Variants in CLVS1 observed in about 807,000 individuals in gnomAD.
The protein encoded by CLVS1 is clavesin-1.
A neutral mutation model predicts 33.1 loss-of-function variants in CLVS1; 10 were observed. The observed-to-expected ratio is 0.30, with a 90% CI of 0.19 to 0.51. CLVS1 has a LOEUF of 0.51. CLVS1 is among the 20% of genes least tolerant of loss of function. The probability of loss-of-function intolerance (pLI) is 0.97; values close to 1 mark genes in which losing one functional copy is unlikely to be tolerated. For missense variants in CLVS1, 343 were observed against 433.4 expected, an observed-to-expected ratio of 0.79 and a Z score of 1.85; for synonymous variants, 163 against 166.1, an observed-to-expected ratio of 0.98 and a Z score of 0.14.
upstream of CLVS1, among the ~76,000 whole-genome samples, chr8:61,055,930 C>T (rs576649840): frequency 1.3e-5 from 2 of 152,258 alleles, no homozygotes; most frequent in Non-Finnish European, 2.9e-5. Flanking sequence ...GGCTCCACCA[C>T]GCTTAACATG....
At chr8:61,351,477 G>A (rs28477525) in intron 2 of CLVS1, among the ~76,000 whole-genome samples, 57,642 of 151,752 alleles carry the variant, frequency 0.38, 12,804 homozygotes, top group East Asian at 0.64. Flanking sequence ...AATATTCATA[G>A]GATCAGCATT....
the CLVS1 span, among the ~76,000 whole-genome samples, chr8:60,995,586 T>C: frequency 9.2e-5 from 14 of 152,214 alleles, no homozygotes; most frequent in Non-Finnish European, 1.9e-4. Flanking sequence ...AGTTCAACCA[T>C]TGTGGAAGTC....
At chr8:61,394,553 A>G (rs115227240) in intron 3 of CLVS1, among the ~76,000 whole-genome samples, 1,782 of 152,154 alleles carry the variant, frequency 0.012, 36 homozygotes, top group African/African-American at 0.04. Context: ...TCAGAGTTAT[A>G]TTCCAGGGAA....
the CLVS1 span, among the ~76,000 whole-genome samples, chr8:61,033,047 A>AAG: frequency 7.1e-4 from 55 of 77,970 alleles, 1 homozygote; most frequent in Middle Eastern, 6.3e-3. Flanking sequence ...GAAAGAAAGA[A>AAG]AAAGAAAGAA....
At chr8:61,152,135 T>C (rs1020064119) in intron 2 of CLVS1, among the ~76,000 whole-genome samples, 6 of 152,184 alleles carry the variant, frequency 3.9e-5, no homozygotes, top group African/African-American at 1.4e-4. Context: ...AACAAACATT[T>C]ATTTCTCACA....
chr8:61,101,198 T>G (rs1805443026), intron 1 of CLVS1, among the ~76,000 whole-genome samples: 1 of 152,222 alleles, frequency 6.6e-6, no homozygotes, highest in Non-Finnish European at 1.5e-5. Flanking sequence ...CTATTTTATA[T>G]TCTCACCAGT....
chr8:61,167,696 T>C (rs941288984), intron 2 of CLVS1, among the ~76,000 whole-genome samples: 10 of 151,964 alleles, frequency 6.6e-5, no homozygotes, highest in Admixed American at 6.5e-5. Flanking sequence ...CAGGATGAGA[T>C]AGGAGGTCAG....
chr8:61,137,169 A>G (rs1177235219), intron 2 of CLVS1, among the ~76,000 whole-genome samples: 1 of 152,232 alleles, frequency 6.6e-6, no homozygotes, highest in Non-Finnish European at 1.5e-5. Context: ...TTTCAGAGAC[A>G]CAGAAATCCA....
At chr8:61,267,654 T>C (rs944460206) in intron 2 of CLVS1, among the ~76,000 whole-genome samples, 1 of 152,212 alleles carries the variant, frequency 6.6e-6, no homozygotes, top group Non-Finnish European at 1.5e-5. Flanking sequence ...GTTCAGATTT[T>C]CCTCTTCTTG....
chr8:61,155,699 G>T (rs1253677667), intron 2 of CLVS1, among the ~76,000 whole-genome samples: 1 of 152,094 alleles, frequency 6.6e-6, no homozygotes, highest in Non-Finnish European at 1.5e-5. Context: ...TGTCTTTTGT[G>T]GGGGAGATTT....
At chr8:61,014,088 T>G in the CLVS1 span, among the ~76,000 whole-genome samples, 3 of 145,736 alleles carry the variant, frequency 2.1e-5, no homozygotes, top group African/African-American at 2.6e-5. Context: ...TTTTAGTGTT[T>G]TTTTTTTTTT....
At chr8:61,058,346 G>A (rs1033923854) in intron 1 of CLVS1, among the ~76,000 whole-genome samples, 1 of 152,124 alleles carries the variant, frequency 6.6e-6, no homozygotes, top group Non-Finnish European at 1.5e-5. Context: ...CAGAAGCTGG[G>A]GCTACAGCTA....
intron 2 of CLVS1, among the ~76,000 whole-genome samples, chr8:61,190,631 A>C (rs77277832): frequency 0.52 from 78,500 of 151,898 alleles, 21,017 homozygotes; most frequent in Middle Eastern, 0.69. Flanking sequence ...CTCTAGCAAG[A>C]CTATTAAAGA....
chr8:61,104,936 C>A (rs1805508118), intron 1 of CLVS1, among the ~76,000 whole-genome samples: 1 of 152,176 alleles, frequency 6.6e-6, no homozygotes, highest in Admixed American at 6.5e-5. Context: ...TCAAGCAATT[C>A]TCCTGCCTCA....
At chr8:61,181,107 C>T (rs1474482473) in intron 2 of CLVS1, among the ~76,000 whole-genome samples, 1 of 152,188 alleles carries the variant, frequency 6.6e-6, no homozygotes, top group African/African-American at 2.4e-5. Context: ...CCCAAATACT[C>T]CTTAAGTTGA....
intron 1 of CLVS1, among the ~76,000 whole-genome samples, chr8:61,116,308 C>T (rs1585621057): frequency 1.3e-5 from 2 of 152,160 alleles, no homozygotes; most frequent in East Asian, 3.9e-4. Flanking sequence ...CGAAAATTTT[C>T]TCCCATTTGG....
chr8:61,499,364 G>GATAA, intron 5 of CLVS1, 91 bp from the exon 6 acceptor site: 1 of 541,580 alleles, frequency 1.8e-6, no homozygotes, highest in Admixed American at 3.0e-5. Flanking sequence ...CTATTAAAAA[G>GATAA]AGAAATATAA....
chr8:61,364,654 A>G (rs1333694553), intron 2 of CLVS1, among the ~76,000 whole-genome samples: 1 of 152,248 alleles, frequency 6.6e-6, no homozygotes, highest in Non-Finnish European at 1.5e-5. Context: ...AGATTCTCTA[A>G]GTTCAATCCA....
intron 3 of CLVS1, among the ~76,000 whole-genome samples, chr8:61,444,279 T>A (rs1816675269): frequency 6.6e-6 from 1 of 152,194 alleles, no homozygotes; most frequent in Non-Finnish European, 1.5e-5. Flanking sequence ...ATAAGAGTGA[T>A]GAGATCAGAT....
Sources: allele counts gnomAD v4.1 joint callset (sites outside exome capture counted in the v4.1 genomes callset), GRCh38; gene constraint gnomAD v4.1.1; transcripts MANE v1.5; gene names NCBI Gene and HGNC (gene_info 2026-07-23, HGNC 2026-07-21).